EVI5L: variants seen among roughly 807,000 people sequenced by gnomAD.
EVI5L encodes EVI5-like protein.
In EVI5L, 30 loss-of-function variants were observed where a neutral mutation model predicts 106.1. The observed-to-expected ratio is 0.28, with a 90% CI of 0.21 to 0.38. The LOEUF is 0.38. Ranked by LOEUF, EVI5L falls within the 10% of genes least tolerant of loss-of-function variation. The pLI is 1.00. For missense variants in EVI5L, 809 were observed against 1,098.0 expected, an observed-to-expected ratio of 0.74 and a Z score of 3.72; for synonymous variants, 489 against 483.3, an observed-to-expected ratio of 1.01 and a Z score of -0.15.
Position 7,851,729 on chromosome 19 carries a change from CA to C in EVI5L, c.947del (p.Gln316ArgfsTer4). The C allele has an allele frequency of 6.5e-7, 1 of 1,538,540 alleles. No homozygotes were observed. The highest frequency in any genetic ancestry group is 8.7e-7 in the Non-Finnish European group (1 of 1,145,714). ...GGGCCTCGCCCTGCTGCAGGTGAAC[CA>C]GGCAGAGCTGATGCAGCTGGACATG... ...RVGLALLQVN[Q>X]AELMQLDMEG... On this transcript the variant is annotated frameshift_variant, in exon 8 of 20. Transcript: ENST00000538904. LOFTEE classifies it high-confidence loss of function.
chr19:7,851,259 C>T (rs1369336407), intron 6 of EVI5L, among the ~76,000 whole-genome samples, 175 bp from the exon 7 acceptor site: 4 of 152,108 alleles, frequency 2.6e-5, no homozygotes, highest in Non-Finnish European at 4.4e-5. Flanking sequence ...ACTCAAAGCT[C>T]GGGGGTGCTT....
rs1316667827 is a variant in EVI5L at position 7,858,302 on chromosome 19, A to G, written c.1345A>G (p.Ser449Gly). The part of the protein sequence containing the change: ...SAAEDLQKAQ[S>G]TIRQLQEQQE... ...GGCCGAGGACCTGCAGAAGGCACAGAGCACCATCCGGCAGCTACAGGAGCA... is the reference window on the plus strand; with the variant it reads ...GGCCGAGGACCTGCAGAAGGCACAGGGCACCATCCGGCAGCTACAGGAGCA... Residue 449 changes from serine to glycine, a missense_variant, in exon 13 of 20, where the codon AGC becomes GGC. Physicochemically the swap from Ser to Gly is moderately conservative, Grantham distance 56. This residue lies in a region of EVI5L where 452 missense variants were observed against 509.9 expected (regional missense o/e 0.89). Transcript: ENST00000538904. This position sits in a 1 kb window ranked among gnomAD's most constrained non-coding sequence, Gnocchi z 5.7. 1 of 1,549,138 alleles carries G rather than the reference A, an allele frequency of 6.5e-7. No individual in the cohort carries two copies. The highest frequency in any genetic ancestry group is 8.7e-7 in the Non-Finnish European group (1 of 1,147,170).
At chr19:7,844,937 C>A (rs1265935778) in intron 1 of EVI5L, among the ~76,000 whole-genome samples, 2 of 152,180 alleles carry the variant, frequency 1.3e-5, no homozygotes, top group Non-Finnish European at 2.9e-5. Flanking sequence ...GTCCATCCAA[C>A]CTGTAGGCCC....
At chr19:7,833,631 A>G (rs1195461971) in intron 1 of EVI5L, among the ~76,000 whole-genome samples, 1 of 152,230 alleles carries the variant, frequency 6.6e-6, no homozygotes, top group Non-Finnish European at 1.5e-5. Flanking sequence ...GTGCTTGGAC[A>G]CACGCCCAAG....
Position 7,856,168 on chromosome 19 carries a change from CCT to C in EVI5L, c.1200+105_1200+106del, listed in dbSNP as rs1370843917. ...TGGGGTGGACTCCTCCAAGTCTTCT[CCT>C]CTCTGGAGGACTAAGCAGCCCTACC... On this transcript the variant is annotated intron_variant, in intron 11 of 19. Coordinates refer to ENST00000538904, the MANE Select transcript of EVI5L (RefSeq NM_001159944.3). This position sits in a 1 kb window ranked among gnomAD's most constrained non-coding sequence, Gnocchi z 6.6. 1 of 1,172,826 alleles carries C rather than the reference CCT, an allele frequency of 8.5e-7. No homozygotes were observed. The highest frequency in any genetic ancestry group is 2.9e-5 in the East Asian group (1 of 34,510). 72.7% of individuals were successfully genotyped at this position (1,172,826 alleles called of 1,614,324 possible). A position where few individuals can be genotyped will look rare whatever the true frequency, so the allele number is the denominator to read the frequency against.
rs1366909834 is a variant in EVI5L at position 7,847,861 on chromosome 19, G to A, written c.267G>A (p.Leu89=). The change falls in exon 3 of 20, where the codon CTG becomes CTA. Residue 89 remains leucine, a synonymous_variant. Coordinates refer to ENST00000538904, the MANE Select transcript of EVI5L (RefSeq NM_001159944.3). The stretch of plus-strand genomic sequence containing the variant: ...ACCTGGAGGAGGACACGTGGATCCT[G>A]TGGGGCCGGATCGCCAACGAGTGGG... The part of the protein sequence containing the change: ...LSHLEEDTWI[L]WGRIANEWEE... 2 of 1,601,816 alleles carry A rather than the reference G, an allele frequency of 1.2e-6. No homozygotes were observed. The highest frequency in any genetic ancestry group is 3.4e-5 in the Admixed American group (2 of 58,494).
intron 13 of EVI5L, among the ~76,000 whole-genome samples, chr19:7,859,480 C>T (rs976981669): frequency 4.6e-5 from 7 of 152,342 alleles, no homozygotes; most frequent in Admixed American, 2.0e-4. Flanking sequence ...CAAGCCTTGG[C>T]CCAGGGATTC....
intron 1 of EVI5L, among the ~76,000 whole-genome samples, chr19:7,843,453 TGA>T (rs368903670): frequency 0.012 from 1,719 of 143,194 alleles, 22 homozygotes; most frequent in Middle Eastern, 0.039. Flanking sequence ...TATGGGTGTG[TGA>T]GTGTGTGTGA....
Position 7,847,953 on chromosome 19 carries a change from C to T in EVI5L, c.327+32C>T, listed in dbSNP as rs200105663. On this transcript the variant is annotated intron_variant, in intron 3 of 19. Coordinates refer to ENST00000538904, the MANE Select transcript of EVI5L (RefSeq NM_001159944.3). ...GGCGGCCAGGCAGGCAGGGCTGGGC[C>T]GACGGCGTGGGCAGGTGGTGCGGTC... 4.4e-4 allele frequency: 673 copies of T among 1,517,612 alleles called. 3 individuals carry two copies. In the East Asian group the frequency reaches 0.011, roughly 24 times the overall value. 94.0% of individuals were successfully genotyped at this position (1,517,612 alleles called of 1,614,324 possible).
At chr19:7,842,295 AGT>A (rs1298491445) in intron 1 of EVI5L, among the ~76,000 whole-genome samples, 1 of 149,646 alleles carries the variant, frequency 6.7e-6, no homozygotes, top group Non-Finnish European at 1.5e-5. Flanking sequence ...GTATGTATCC[AGT>A]GTGTGCGTGT....
intron 1 of EVI5L, among the ~76,000 whole-genome samples, chr19:7,833,203 C>G (rs564440179): frequency 1.5e-4 from 23 of 152,322 alleles, no homozygotes; most frequent in African/African-American, 5.3e-4. Flanking sequence ...TCAATTTCCT[C>G]TTGCAGAATA....
Position 7,846,673 on chromosome 19 carries a change from A to G in EVI5L, c.131A>G (p.Gln44Arg). Residue 44 changes from glutamine (Q) to arginine (R), a missense_variant, in exon 2 of 20, where the codon CAG becomes CGG. By Grantham distance (43) the Gln-to-Arg change is conservative. Transcript: ENST00000538904. ...GAGCTGCTGGCCAAGCTCGAAGAGC[A>G]GAACCGGTGAGTTGGGGGCTGGGGG... is the stretch of plus-strand genomic sequence containing the variant. ...ELELLAKLEE[Q>R]NRLLEADSKS... 1 of 1,612,640 alleles carries G rather than the reference A, an allele frequency of 6.2e-7. No homozygotes were observed. The highest frequency in any genetic ancestry group is 8.5e-7 in the Non-Finnish European group (1 of 1,179,526).
intron 10 of EVI5L, among the ~76,000 whole-genome samples, chr19:7,855,521 G>A (rs1040800311): frequency 2.6e-5 from 4 of 152,250 alleles, no homozygotes; most frequent in Admixed American, 2.0e-4. Flanking sequence ...GCAGGTCATG[G>A]GAATGTAGTT....
At position 7,834,676 on chromosome 19, in the gene EVI5L, C is replaced by T. The variant is rs942029067; in HGVS notation, c.-48+4295C>T. Among the ~76,000 whole-genome samples, 4 of 152,308 alleles carry T rather than the reference C, an allele frequency of 2.6e-5. No homozygotes were observed. The East Asian group carries it at 5.8e-4, about 22-fold the overall frequency. On this transcript the variant is annotated intron_variant, in intron 1 of 19. Transcript: ENST00000538904. The stretch of plus-strand genomic sequence containing the variant: ...TCTGAAGATCCAATAGTGGGCTAGA[C>T]AGCCCCAGCCCCTGCCCTAGTAGAA...
At chr19:7,860,293 C>T (rs1013378559) in intron 13 of EVI5L, among the ~76,000 whole-genome samples, 1 of 152,212 alleles carries the variant, frequency 6.6e-6, no homozygotes, top group African/African-American at 2.4e-5. Context: ...ACTGGGGTCC[C>T]GCGGGGCATC....
intron 10 of EVI5L, among the ~76,000 whole-genome samples, chr19:7,854,295 AAAG>A (rs1275044018): frequency 2.4e-4 from 30 of 126,456 alleles, no homozygotes; most frequent in Non-Finnish European, 3.5e-4. Flanking sequence ...AAAAAAAAAA[AAAG>A]AAAAGAAAAG....
At chr19:7,861,681 A>C (rs1375588799) in intron 14 of EVI5L, among the ~76,000 whole-genome samples, 197 bp from the exon 15 acceptor site, 1 of 151,970 alleles carries the variant, frequency 6.6e-6, no homozygotes, top group Non-Finnish European at 1.5e-5. Context: ...TACTACACCC[A>C]TTTTATAGCT....
chr19:7,857,658 G>A lies in EVI5L; in HGVS notation c.1234-533G>A, dbSNP rs527794105. The A allele has an allele frequency of 6.5e-4, 119 of 182,740 alleles. 4 individuals carry two copies. The South Asian group carries it at 8.9e-3, about 14-fold the overall frequency. 11.3% of individuals were successfully genotyped at this position (182,740 alleles called of 1,614,324 possible). ...CCGCCACCTGGTGGCTTTGAGCCTG[G>A]AATGGGGGGCCCAAGTTGGGTAGGG... On this transcript the variant is annotated intron_variant, in intron 12 of 19. Transcript: ENST00000538904. The surrounding 1 kb of genome is among the most constrained non-coding windows in gnomAD (Gnocchi z 4.5).
Position 7,853,472 on chromosome 19 carries a change from C to T in EVI5L, c.1146+139C>T, listed in dbSNP as rs898922190. 3.0e-5 allele frequency: 34 copies of T among 1,118,542 alleles called. No homozygotes were observed. The Middle Eastern group carries it at 2.3e-3, about 77-fold the overall frequency. The allele number at this position is 1,118,542 out of a possible 1,614,324, so 69.3% of individuals were successfully genotyped here. A position where few individuals can be genotyped will look rare whatever the true frequency, so the allele number is the denominator to read the frequency against. ...CGGCGGTCCTTGGCGGACAGGCCTC[C>T]GCCCACCTGCGCCGTCCTTCACCTG... On this transcript the variant is annotated intron_variant, in intron 10 of 19. Transcript: ENST00000538904.
Sources: allele counts gnomAD v4.1 joint callset (sites outside exome capture counted in the v4.1 genomes callset), GRCh38; gene constraint gnomAD v4.1.1; regional missense constraint gnomAD v4.1.1; non-coding constraint Gnocchi (gnomAD v3.1); transcripts MANE v1.5; gene names NCBI Gene and HGNC (gene_info 2026-07-23, HGNC 2026-07-21).